The following INPP4B variants were observed in gnomAD, a reference collection of about 807,000 sequenced individuals.
The protein encoded by INPP4B is inositol polyphosphate-4-phosphatase type II B, also known as inositol polyphosphate 4-phosphatase type II.
INPP4B carries 55 observed loss-of-function variants against 122.5 expected under a neutral mutation model. The ratio of observed to expected loss-of-function variants is 0.45; its 90% CI spans 0.36 to 0.56. INPP4B has a LOEUF of 0.56. INPP4B is among the 20% of genes least tolerant of loss of function. The pLI is 0.00. For synonymous variants in INPP4B, 403 were observed against 388.7 expected, an observed-to-expected ratio of 1.04 and a Z score of -0.43; for missense variants, 1,000 against 1,097.7, an observed-to-expected ratio of 0.91 and a Z score of 1.26.
chr4:142,689,983 G>A (rs1759933194), intron 2 of INPP4B, among the ~76,000 whole-genome samples: 2 of 152,120 alleles, frequency 1.3e-5, no homozygotes, highest in Non-Finnish European at 2.9e-5. Flanking sequence ...ACAAAATTAA[G>A]TGACACTTAT....
At chr4:142,710,532 TAAAG>T (rs1236016707) in intron 2 of INPP4B, among the ~76,000 whole-genome samples, 1 of 152,128 alleles carries the variant, frequency 6.6e-6, no homozygotes, top group African/African-American at 2.4e-5. Context: ...AAAAAGATAA[TAAAG>T]AGGAGAATGG....
chr4:142,711,948 C>T (rs1035516899), intron 2 of INPP4B, among the ~76,000 whole-genome samples: 5 of 151,966 alleles, frequency 3.3e-5, no homozygotes, highest in Non-Finnish European at 7.4e-5. Context: ...CTCAAAAGAC[C>T]GAGGCATGAG....
intron 3 of INPP4B, among the ~76,000 whole-genome samples, chr4:142,454,325 G>A (rs1275886315): frequency 6.6e-6 from 1 of 151,966 alleles, no homozygotes; most frequent in East Asian, 1.9e-4. Flanking sequence ...CTTTCAACCT[G>A]TAATTAGTTA....
At chr4:142,316,840 G>A (rs114696836) in intron 7 of INPP4B, among the ~76,000 whole-genome samples, 2,748 of 152,224 alleles carry the variant, frequency 0.018, 94 homozygotes, top group African/African-American at 0.062. Flanking sequence ...TTATAACAGT[G>A]ATGCTTTTCT....
At chr4:142,325,291 AACAGACT>A (rs929567477) in intron 7 of INPP4B, among the ~76,000 whole-genome samples, 4 of 152,136 alleles carry the variant, frequency 2.6e-5, no homozygotes, top group Admixed American at 2.6e-4. Flanking sequence ...AATGATATTC[AACAGACT>A]ATGGTTATAT....
intron 11 of INPP4B, among the ~76,000 whole-genome samples, chr4:142,254,083 C>A (rs567809392): frequency 6.6e-6 from 1 of 152,146 alleles, no homozygotes; most frequent in East Asian, 1.9e-4. Context: ...AGGCACCCCC[C>A]AGCAGGGGCA....
At chr4:142,782,693 T>C (rs1374715406) in intron 1 of INPP4B, among the ~76,000 whole-genome samples, 1 of 152,170 alleles carries the variant, frequency 6.6e-6, no homozygotes, top group African/African-American at 2.4e-5. Flanking sequence ...TGTGAGATGA[T>C]ATCTCATTGT....
intron 10 of INPP4B, among the ~76,000 whole-genome samples, chr4:142,267,416 T>C (rs1049616844): frequency 1.3e-5 from 2 of 152,164 alleles, no homozygotes; most frequent in South Asian, 2.1e-4. Context: ...TCTACACATA[T>C]ATGGGCAATT....
At chr4:142,520,732 G>T (rs949226513) in intron 2 of INPP4B, among the ~76,000 whole-genome samples, 2 of 151,958 alleles carry the variant, frequency 1.3e-5, no homozygotes, top group South Asian at 4.1e-4. Flanking sequence ...TGAGAAATCT[G>T]ATGCACTGAA....
chr4:142,259,140 T>C (rs1364304358), intron 11 of INPP4B, among the ~76,000 whole-genome samples: 1 of 135,118 alleles, frequency 7.4e-6, no homozygotes, highest in Non-Finnish European at 1.5e-5. Flanking sequence ...CACTCATAGG[T>C]GGGAATTGAA....
chr4:142,364,726 T>C (rs1241527588), intron 7 of INPP4B, among the ~76,000 whole-genome samples: 3 of 152,070 alleles, frequency 2.0e-5, no homozygotes, highest in Non-Finnish European at 4.4e-5. Flanking sequence ...ACAATCCATG[T>C]GTGCCAACAG....
At chr4:142,358,906 C>T (rs914904370) in intron 7 of INPP4B, among the ~76,000 whole-genome samples, 1 of 151,916 alleles carries the variant, frequency 6.6e-6, no homozygotes, top group African/African-American at 2.4e-5. Flanking sequence ...TACTTTAGAG[C>T]CACTTGAAAG....
chr4:142,337,767 A>ATATATTT (rs1777322579), intron 7 of INPP4B, among the ~76,000 whole-genome samples: 3 of 88,024 alleles, frequency 3.4e-5, no homozygotes, highest in East Asian at 6.8e-4. Flanking sequence ...TATATATTTT[A>ATATATTT]TATATATATT....
intron 1 of INPP4B, among the ~76,000 whole-genome samples, chr4:142,730,738 G>A (rs1298682108): frequency 6.6e-6 from 1 of 152,146 alleles, no homozygotes; most frequent in African/African-American, 2.4e-5. Context: ...GTTCTTCAAG[G>A]ACAGTTATTT....
intron 7 of INPP4B, among the ~76,000 whole-genome samples, chr4:142,322,574 C>A (rs1444382208): frequency 6.6e-6 from 1 of 152,120 alleles, no homozygotes; most frequent in African/African-American, 2.4e-5. Flanking sequence ...TGAAAAAATT[C>A]TGAGAAATAT....
intron 7 of INPP4B, among the ~76,000 whole-genome samples, chr4:142,325,269 C>G (rs1771892572): frequency 6.6e-6 from 1 of 152,072 alleles, no homozygotes; most frequent in Non-Finnish European, 1.5e-5. Flanking sequence ...AACATGCGGT[C>G]AAGGGATGAA....
chr4:142,564,801 T>C (rs1731278776), intron 2 of INPP4B, among the ~76,000 whole-genome samples: 1 of 152,066 alleles, frequency 6.6e-6, no homozygotes, highest in African/African-American at 2.4e-5. Context: ...AGTCCAGTAG[T>C]GGTTTAAAAA....
intron 1 of INPP4B, among the ~76,000 whole-genome samples, chr4:142,771,147 A>G (rs1772993445): frequency 6.6e-6 from 1 of 152,142 alleles, no homozygotes; most frequent in Non-Finnish European, 1.5e-5. Flanking sequence ...CTCAAAATGC[A>G]AGGACGAAGT....
intron 2 of INPP4B, among the ~76,000 whole-genome samples, chr4:142,532,840 A>G (rs1827779202): frequency 6.6e-6 from 1 of 152,226 alleles, no homozygotes; most frequent in Non-Finnish European, 1.5e-5. Flanking sequence ...GGGTAAATTC[A>G]GATTTTTTAA....
Sources: gnomAD v4.1 joint callset for allele counts (sites outside exome capture counted in the v4.1 genomes callset) on GRCh38, gnomAD v4.1.1 for gene constraint, MANE v1.5 for transcripts, NCBI Gene and HGNC (gene_info 2026-07-23, HGNC 2026-07-21) for gene names.